The following MYCBP2 variants were observed in gnomAD, a reference collection of about 807,000 sequenced individuals.
MYCBP2 encodes the protein MYC binding protein 2, also known as E3 ubiquitin-protein ligase MYCBP2.
In MYCBP2, 120 loss-of-function variants were observed where a neutral mutation model predicts 525.3. The observed-to-expected ratio is 0.23, with a 90% CI of 0.20 to 0.27. The LOEUF is 0.27. Among genes scored for constraint, MYCBP2 ranks in the 10% least tolerant of loss-of-function variants. The pLI, the probability that MYCBP2 is intolerant of heterozygous loss-of-function variation, is 1.00. For synonymous variants in MYCBP2, 1,894 were observed against 1,955.8 expected (o/e 0.97, Z 0.83); for missense variants, 4,149 against 5,657.1 (o/e 0.73, Z 8.55).
In MYCBP2 at chr13:77,097,351, A is replaced by C. The variant is rs2046422537; in HGVS notation, c.9784+19T>G. On this transcript the variant is annotated intron_variant, in intron 56 of 82. Transcript: ENST00000544440. Reference sequence around the variant, plus strand: ...TAAAGAAAAAAGCACTTATACGTACATTCAACAGTATCATTTACCTGGGTG... The same window carrying C: ...TAAAGAAAAAAGCACTTATACGTACCTTCAACAGTATCATTTACCTGGGTG... 1 of 1,576,198 alleles carries C rather than the reference A, an allele frequency of 6.3e-7. No individual in the cohort carries two copies. Among genetic ancestry groups the C allele is most frequent in the African/African-American group, 1.4e-5 (1 of 72,738 alleles).
chr13:77,225,346 T>G (rs2066109578), intron 19 of MYCBP2, 89 bp downstream of exon 19: 1 of 1,553,622 alleles, frequency 6.4e-7, no homozygotes, highest in Non-Finnish European at 8.8e-7. Context: ...TAACACACAG[T>G]TAACAGGCTA....
At chr13:77,102,236 ACT>A (rs2047181370) in intron 55 of MYCBP2, among the ~76,000 whole-genome samples, 1 of 151,840 alleles carries the variant, frequency 6.6e-6, no homozygotes, top group Non-Finnish European at 1.5e-5. Flanking sequence ...GTTACATGAT[ACT>A]ATATGCTATT....
chr13:77,287,493 A>G (rs2077000747), intron 3 of MYCBP2, among the ~76,000 whole-genome samples: 1 of 152,096 alleles, frequency 6.6e-6, no homozygotes, highest in Non-Finnish European at 1.5e-5. Flanking sequence ...GGCCTACAAT[A>G]CATGCTTCTA....
At chr13:77,200,974 A>G (rs1179522596) in intron 26 of MYCBP2, among the ~76,000 whole-genome samples, 1 of 152,162 alleles carries the variant, frequency 6.6e-6, no homozygotes, top group Non-Finnish European at 1.5e-5. Context: ...CTAGGAAGAA[A>G]CTGCATCAAT....
chr13:77,313,896 G>T (rs9600857), intron 1 of MYCBP2, among the ~76,000 whole-genome samples: 4,567 of 151,372 alleles, frequency 0.03, 238 homozygotes, highest in African/African-American at 0.1. Context: ...GCAAATAAGC[G>T]TTATGAAAAG....
chr13:77,118,662 G>A, intron 55 of MYCBP2: 1 of 518,584 alleles, frequency 1.9e-6, no homozygotes, highest in Admixed American at 3.5e-5. Flanking sequence ...TCAGATTAGG[G>A]ACCGAATTTT....
intron 38 of MYCBP2, among the ~76,000 whole-genome samples, chr13:77,170,739 G>C (rs1013499469): frequency 6.6e-6 from 1 of 151,930 alleles, no homozygotes; most frequent in Non-Finnish European, 1.5e-5. Flanking sequence ...ACCACGCCTG[G>C]CTAATTTTTT....
At chr13:77,325,739 T>C (rs2082209766) in intron 1 of MYCBP2, among the ~76,000 whole-genome samples, 1 of 152,186 alleles carries the variant, frequency 6.6e-6, no homozygotes, top group East Asian at 1.9e-4. Context: ...TGAAGAGAAA[T>C]GGCCGATGGG....
intron 15 of MYCBP2, among the ~76,000 whole-genome samples, chr13:77,246,009 ATGG>A (rs2154320653): frequency 6.6e-6 from 1 of 151,936 alleles, no homozygotes; most frequent in East Asian, 1.9e-4. Context: ...TGTGAACCAT[ATGG>A]GGTATATGTT....
At chr13:77,155,781 G>A (rs1185325499) in intron 46 of MYCBP2, among the ~76,000 whole-genome samples, 1 of 152,148 alleles carries the variant, frequency 6.6e-6, no homozygotes, top group Non-Finnish European at 1.5e-5. Flanking sequence ...TTCACTGTAT[G>A]TGTCTAGCAC....
At chr13:77,167,972 T>C (rs2058718667) in intron 40 of MYCBP2, among the ~76,000 whole-genome samples, 1 of 152,240 alleles carries the variant, frequency 6.6e-6, no homozygotes, top group African/African-American at 2.4e-5. Flanking sequence ...TTGAATACTC[T>C]CTAATAACAT....
In MYCBP2 at chr13:77,255,340, T is replaced by C. The variant is rs558511344; in HGVS notation, c.2176+2331A>G. Reference sequence around the variant, plus strand: ...CTTTACTCATCTGCTTTCTAATTCATTACTTACCAGCAGGGTAGGTATGAT... The same window carrying C: ...CTTTACTCATCTGCTTTCTAATTCACTACTTACCAGCAGGGTAGGTATGAT... On this transcript the variant is annotated intron_variant, in intron 14 of 82. Coordinates refer to ENST00000544440, the MANE Select transcript of MYCBP2 (RefSeq NM_015057.5). Among the ~76,000 whole-genome samples the C allele has an allele frequency of 3.9e-5, 6 of 151,962 alleles. No individual in the cohort carries two copies. In the East Asian group the frequency reaches 9.6e-4, roughly 24 times the overall value.
At chr13:77,289,514 A>G (rs1259690140) in intron 2 of MYCBP2, among the ~76,000 whole-genome samples, 2 of 147,084 alleles carry the variant, frequency 1.4e-5, no homozygotes, top group Admixed American at 1.4e-4. Flanking sequence ...TTCATGATAG[A>G]AAAAAAAAAA....
In MYCBP2 at chr13:77,194,197, G is replaced by T; in HGVS notation, c.3891C>A (p.Asp1297Glu). The T allele has an allele frequency of 6.2e-7, 1 of 1,613,494 alleles. No homozygotes were observed. Among genetic ancestry groups the T allele is most frequent in the Non-Finnish European group, 8.5e-7 (1 of 1,179,624 alleles). The change falls in exon 27 of 83, where the codon GAC (aspartate) becomes GAA (glutamate). Residue 1297 changes from aspartate (D) to glutamate (E), a missense_variant. By Grantham distance (45) the Asp-to-Glu change is conservative. Around this residue, in one of 21 missense-constraint regions of MYCBP2, gnomAD observed 620 missense variants for 795.5 expected, o/e 0.78. Transcript: ENST00000544440. The part of the protein sequence containing the change: ...PDGGDHETDG[D>E]LLAETDVLAY... ...CCAATACATCAGTCTCTGCAAGAAG[G>T]TCACCATCAGTTTCATGATCTCCTC...
chr13:77,168,254 C>T (rs1226189913), intron 40 of MYCBP2, among the ~76,000 whole-genome samples, 174 bp downstream of exon 40: 1 of 152,106 alleles, frequency 6.6e-6, no homozygotes, highest in Non-Finnish European at 1.5e-5. Flanking sequence ...GATAAAAATT[C>T]CATCTTAAAT....
chr13:77,276,004 C>T (rs1347070559), intron 4 of MYCBP2, among the ~76,000 whole-genome samples: 1 of 152,072 alleles, frequency 6.6e-6, no homozygotes, highest in Non-Finnish European at 1.5e-5. Context: ...AAAGGACTCT[C>T]AGAACTCCTT....
chr13:77,233,259 G>A lies in MYCBP2; in HGVS notation c.2634C>T (p.Pro878=). ...RRHRLEEGRG[P]LVFAGPIFMN... is the part of the protein sequence containing the mutation. ...TAAAAATAGGACCAGCAAATACAAGGGGGCCTGAGGAGAAACATTTTGTAT... is the reference window on the plus strand; with the variant it reads ...TAAAAATAGGACCAGCAAATACAAGAGGGCCTGAGGAGAAACATTTTGTAT... The change falls in exon 18 of 83, where the codon CCC becomes CCT. Residue 878 remains proline, a synonymous_variant. Transcript: ENST00000544440. 1 of 1,612,066 alleles carries A rather than the reference G, an allele frequency of 6.2e-7. No homozygotes were observed. Among genetic ancestry groups the A allele is most frequent in the Non-Finnish European group, 8.5e-7 (1 of 1,178,682 alleles).
intron 66 of MYCBP2, chr13:77,077,777 T>G (rs903732181): frequency 1.3e-5 from 2 of 158,222 alleles, no homozygotes; most frequent in African/African-American, 2.4e-5. Flanking sequence ...AAAAGGGTTC[T>G]TTTTTTGTGC....
At chr13:77,321,848 A>T (rs1338839104) in intron 1 of MYCBP2, among the ~76,000 whole-genome samples, 1 of 152,216 alleles carries the variant, frequency 6.6e-6, no homozygotes, top group African/African-American at 2.4e-5. Context: ...TATAGGGCCA[A>T]TGGTTAGTGC....
Sources: allele counts gnomAD v4.1 joint callset (sites outside exome capture counted in the v4.1 genomes callset), GRCh38; gene constraint gnomAD v4.1.1; regional missense constraint gnomAD v4.1.1; transcripts MANE v1.5; gene names NCBI Gene and HGNC (gene_info 2026-07-23, HGNC 2026-07-21).